Variants in PHF24 observed in about 807,000 individuals in gnomAD.
The protein encoded by PHF24 is Galpha inhibitory interacting protein.
In PHF24, 25 loss-of-function variants were observed where a neutral mutation model predicts 42.6. The ratio of observed to expected loss-of-function variants is 0.59; its 90% confidence interval spans 0.43 to 0.82. The LOEUF (loss-of-function observed/expected upper bound fraction) is 0.82. PHF24 is among the 40% of genes least tolerant of loss of function. The pLI, the probability that PHF24 is intolerant of heterozygous loss-of-function variation, is 0.00. For missense variants in PHF24, 470 were observed against 538.1 expected (o/e 0.87, Z 1.25); for synonymous variants, 185 against 204.8 (o/e 0.90, Z 0.83).
chr9:34,704,840 A>C, the PHF24 span, among the ~76,000 whole-genome samples: 1 of 152,200 alleles, frequency 6.6e-6, no homozygotes, highest in Non-Finnish European at 1.5e-5. Flanking sequence ...ATCTCAAAAA[A>C]GGAGCAAATA....
the PHF24 span, among the ~76,000 whole-genome samples, chr9:34,740,548 C>T: frequency 6.6e-6 from 1 of 152,226 alleles, no homozygotes. Flanking sequence ...CCCGCCAAGC[C>T]CACGCCCACC....
the PHF24 span, chr9:34,893,092 G>C: frequency 5.4e-6 from 5 of 926,282 alleles, no homozygotes; most frequent in East Asian, 1.3e-4. Flanking sequence ...TGCAGATTTG[G>C]CAGCAGGGGT....
the PHF24 span, among the ~76,000 whole-genome samples, chr9:34,916,085 C>T: frequency 6.6e-6 from 1 of 152,120 alleles, no homozygotes; most frequent in Admixed American, 6.5e-5. Context: ...CCAAGGCCTC[C>T]CCAGCCATGT....
chr9:34,922,179 G>T, the PHF24 span: 1 of 1,585,188 alleles, frequency 6.3e-7, no homozygotes, highest in Non-Finnish European at 8.6e-7. Flanking sequence ...AAGTTGGAAG[G>T]CCGGTTAATT....
At chr9:34,823,134 T>G in the PHF24 span, among the ~76,000 whole-genome samples, 4 of 140,366 alleles carry the variant, frequency 2.8e-5, no homozygotes, top group South Asian at 8.9e-4. Flanking sequence ...AAGCGGAGCT[T>G]GCAGTGAGCC....
At chr9:34,757,867 T>C in the PHF24 span, among the ~76,000 whole-genome samples, 1 of 152,110 alleles carries the variant, frequency 6.6e-6, no homozygotes, top group Admixed American at 6.5e-5. Context: ...GGGTCTGGCT[T>C]GCTGGGATTA....
At chr9:34,757,194 C>T in the PHF24 span, among the ~76,000 whole-genome samples, 1 of 152,144 alleles carries the variant, frequency 6.6e-6, no homozygotes, top group African/African-American at 2.4e-5. Context: ...TGAGCCACTG[C>T]ACCCTGCCCC....
the PHF24 span, among the ~76,000 whole-genome samples, chr9:34,900,982 C>T: frequency 4.6e-5 from 7 of 152,160 alleles, no homozygotes; most frequent in African/African-American, 1.7e-4. Flanking sequence ...TGGACTAAGA[C>T]TGGACAAATT....
intron 3 of PHF24, among the ~76,000 whole-genome samples, 164 bp downstream of exon 3, chr9:34,972,695 C>T (rs2132909581): frequency 6.6e-6 from 1 of 152,296 alleles, no homozygotes; most frequent in East Asian, 1.9e-4. Flanking sequence ...GCCGGAAGAT[C>T]ACGAGGTCAA....
the PHF24 span, chr9:34,832,971 G>A: frequency 1.4e-5 from 21 of 1,551,610 alleles, no homozygotes; most frequent in African/African-American, 2.6e-4. Context: ...TGGGGGCTGT[G>A]TTGACAGGGA....
the PHF24 span, among the ~76,000 whole-genome samples, chr9:34,751,131 G>A: frequency 2.6e-5 from 4 of 152,270 alleles, no homozygotes; most frequent in South Asian, 6.2e-4. Context: ...TTGGGAGGCC[G>A]AGGAGGGTGG....
chr9:34,888,228 C>G, the PHF24 span, among the ~76,000 whole-genome samples: 2 of 152,194 alleles, frequency 1.3e-5, no homozygotes, highest in African/African-American at 2.4e-5. Flanking sequence ...TAAGTGCCCT[C>G]CTATGTACTT....
the PHF24 span, among the ~76,000 whole-genome samples, chr9:34,798,690 C>T: frequency 2.6e-5 from 4 of 152,098 alleles, no homozygotes; most frequent in East Asian, 7.7e-4. Context: ...GTGCAGGTGT[C>T]TTTTTGGTAG....
the PHF24 span, chr9:34,681,254 C>T: frequency 6.6e-6 from 1 of 152,200 alleles, no homozygotes; most frequent in African/African-American, 2.4e-5. Context: ...GTATTACACT[C>T]CTCAGATTTG....
the PHF24 span, among the ~76,000 whole-genome samples, chr9:34,676,842 C>T: frequency 2.6e-5 from 4 of 152,106 alleles, no homozygotes; most frequent in Admixed American, 6.5e-5. Flanking sequence ...AGATGCCACA[C>T]GCTCTTAAAC....
At chr9:34,886,271 A>AC in the PHF24 span, among the ~76,000 whole-genome samples, 1 of 144,296 alleles carries the variant, frequency 6.9e-6, no homozygotes, top group Non-Finnish European at 1.5e-5. Flanking sequence ...AAAAAAAAAA[A>AC]CTCCTTCTGG....
chr9:34,668,458 A>C, the PHF24 span, among the ~76,000 whole-genome samples: 14 of 152,350 alleles, frequency 9.2e-5, no homozygotes, highest in African/African-American at 3.1e-4. Context: ...CACACAATGC[A>C]CAGGTATACC....
At chr9:34,714,351 C>A in the PHF24 span, among the ~76,000 whole-genome samples, 6 of 152,252 alleles carry the variant, frequency 3.9e-5, no homozygotes, top group African/African-American at 1.4e-4. Flanking sequence ...TAGTGAGCAG[C>A]CTGTCTCTGA....
At chr9:34,943,453 A>C in the PHF24 span, among the ~76,000 whole-genome samples, 1 of 152,154 alleles carries the variant, frequency 6.6e-6, no homozygotes, top group East Asian at 1.9e-4. Context: ...TCTGAGCCAG[A>C]TTTTAGCCAG....
Sources: gnomAD v4.1 joint callset for allele counts (sites outside exome capture counted in the v4.1 genomes callset) on GRCh38, gnomAD v4.1.1 for gene constraint, MANE v1.5 for transcripts, NCBI Gene and HGNC (gene_info 2026-07-23, HGNC 2026-07-21) for gene names.